ALDH16A1: variants seen among roughly 807,000 people sequenced by gnomAD.
The protein encoded by ALDH16A1 is aldehyde dehydrogenase family 16 member A1.
In ALDH16A1, 88 loss-of-function variants were observed where a neutral mutation model predicts 96.1. That is an observed-to-expected ratio of 0.92 (90% confidence interval 0.77 to 1.09). The LOEUF is 1.09. ALDH16A1 is among the 50% of genes least tolerant of loss of function. The probability of loss-of-function intolerance (pLI) is 0.00; values close to 1 mark genes in which losing one functional copy is unlikely to be tolerated. For synonymous variants in ALDH16A1, 522 were observed against 496.4 expected (o/e 1.05, Z -0.69); for missense variants, 1,250 against 1,112.6 (o/e 1.12, Z -1.76).
Position 49,468,486 on chromosome 19 carries a change from G to T in ALDH16A1, c.2044G>T (p.Ala682Ser). 1 of 1,603,200 alleles carries T rather than the reference G, an allele frequency of 6.2e-7. No homozygotes were observed. Among genetic ancestry groups the T allele is most frequent in the African/African-American group, 1.3e-5 (1 of 75,010 alleles). The stretch of plus-strand genomic sequence containing the variant: ...CCTGCTTGCCTTCGTGTCCCTGCTG[G>T]CTCCCGCCCTGGCCTACGGCAACAC... ...WPLLAFVSLLAPALAYGNTVV... is the reference protein window; with the variant it reads ...WPLLAFVSLLSPALAYGNTVV... Residue 682 changes from alanine to serine, a missense_variant, in exon 15 of 17, where the codon GCT (alanine) becomes TCT (serine). Transcript: ENST00000293350. The surrounding 1 kb of genome is among the most constrained non-coding windows in gnomAD (Gnocchi z 4.4).
Position 49,468,229 on chromosome 19 carries a change from A to C in ALDH16A1, c.1939-152A>C. 1.4e-6 allele frequency: 1 copy of C among 717,508 alleles called. No homozygotes were observed. Among genetic ancestry groups the C allele is most frequent in the East Asian group, 2.8e-5 (1 of 36,144 alleles). The allele number at this position is 717,508 out of a possible 1,614,324, so 44.4% of individuals were successfully genotyped here. A position where few individuals can be genotyped will look rare whatever the true frequency, so the allele number is the denominator to read the frequency against. On this transcript the variant is annotated intron_variant, in intron 14 of 16. Transcript: ENST00000293350. The surrounding 1 kb of genome is among the most constrained non-coding windows in gnomAD (Gnocchi z 4.4). ...CGCCCGAACCCCCGTGGAATGATTCACTTTGACCAGCGTCTGCGAAATGGC... is the reference window on the plus strand; with the variant it reads ...CGCCCGAACCCCCGTGGAATGATTCCCTTTGACCAGCGTCTGCGAAATGGC...
rs367667391 is a variant in ALDH16A1 at position 49,464,557 on chromosome 19, G to A, written c.1437+35G>A. On this transcript the variant is annotated intron_variant, in intron 11 of 16. Coordinates refer to ENST00000293350, the MANE Select transcript of ALDH16A1 (RefSeq NM_153329.4). ...TCCCCTCCCCGTCACCAGCCCCCCC[G>A]CCGCCCCATGCCCTTGACACTCGCA... 91 of 1,560,258 alleles carry A rather than the reference G, an allele frequency of 5.8e-5. No homozygotes were observed. In the East Asian group the frequency reaches 1.3e-3, roughly 23 times the overall value.
rs999773730 is a variant in ALDH16A1, at chr19:49,468,012, T to C, written c.1939-369T>C. 7.3e-5 allele frequency among the ~76,000 whole-genome samples: 11 copies of C among 150,722 alleles called. No homozygotes were observed. The highest frequency in any genetic ancestry group is 1.5e-4 in the Non-Finnish European group (10 of 67,744). On this transcript the variant is annotated intron_variant, in intron 14 of 16. Transcript: ENST00000293350. The surrounding 1 kb of genome is among the most constrained non-coding windows in gnomAD (Gnocchi z 4.4). ...TACTAAATATACAAAAAAAAAAAAT[T>C]AGCCGGGCATGGTGGCAGGTGCCTG...
chr19:49,460,181 G>T (rs890293279), intron 4 of ALDH16A1, among the ~76,000 whole-genome samples: 1 of 151,796 alleles, frequency 6.6e-6, no homozygotes, highest in Non-Finnish European at 1.5e-5. Context: ...CCAAAGTGCT[G>T]GGATTACAGG....
At chr19:49,462,188 A>G in intron 7 of ALDH16A1, 152 bp downstream of exon 7, 10 of 1,227,834 alleles carry the variant, frequency 8.1e-6, no homozygotes, top group Non-Finnish European at 8.6e-6. Context: ...GCTGGGGTGC[A>G]GCGGCGCGAT....
At chr19:49,466,345 T>C (rs1473697459) in intron 14 of ALDH16A1, 62 bp downstream of exon 14, 37 of 1,401,456 alleles carry the variant, frequency 2.6e-5, no homozygotes, top group Admixed American at 3.1e-5. Flanking sequence ...GACCAGAGGC[T>C]GTGAGATAAC....
chr19:49,468,159 CAAAAA>C lies in ALDH16A1; in HGVS notation c.1939-211_1939-207del. The C allele has an allele frequency of 2.4e-6, 1 of 410,232 alleles. No homozygotes were observed. Among genetic ancestry groups the C allele is most frequent in the Non-Finnish European group, 4.3e-6 (1 of 232,748 alleles). 25.4% of individuals were successfully genotyped at this position (410,232 alleles called of 1,614,324 possible). A position where few individuals can be genotyped will look rare whatever the true frequency, so the allele number is the denominator to read the frequency against. ...AGGGCGACAGAGTGAGAGTCCGTCTCAAAAAAAAAAAAAAAGAAAGGCGGTTATGC... is the reference window on the plus strand; with the variant it reads ...AGGGCGACAGAGTGAGAGTCCGTCTCAAAAAAAAAAGAAAGGCGGTTATGC... On this transcript the variant is annotated intron_variant, in intron 14 of 16. Coordinates refer to ENST00000293350, the MANE Select transcript of ALDH16A1 (RefSeq NM_153329.4). The surrounding 1 kb of genome is among the most constrained non-coding windows in gnomAD (Gnocchi z 4.4).
Position 49,463,866 on chromosome 19 carries a change from G to C in ALDH16A1, c.1111G>C (p.Gly371Arg), listed in dbSNP as rs1184098302. Residue 371 changes from glycine to arginine, a missense_variant, in exon 9 of 17, where the codon GGT (glycine) becomes CGT (arginine). Coordinates refer to ENST00000293350, the MANE Select transcript of ALDH16A1 (RefSeq NM_153329.4). ...TTTCTCTCCCTAGGTGTTCCAGGCT[G>C]GTGATGTGCCTTCGGAACGCCCATT... The part of the protein sequence containing the change: ...QSQGAQVFQA[G>R]DVPSERPFYP... The C allele has an allele frequency of 6.2e-7, 1 of 1,613,342 alleles. No individual in the cohort carries two copies. Among genetic ancestry groups the C allele is most frequent in the South Asian group, 1.1e-5 (1 of 91,066 alleles).
intron 2 of ALDH16A1, 73 bp from the exon 3 acceptor site, chr19:49,458,887 C>T (rs1348272411): frequency 8.3e-6 from 13 of 1,557,426 alleles, no homozygotes; most frequent in East Asian, 4.5e-5. Context: ...ATCCAGGCTC[C>T]GAAAATCTCA....
At chr19:49,470,255 C>T (rs1450761016) in intron 16 of ALDH16A1, 51 bp from the exon 17 acceptor site, 2 of 1,602,618 alleles carry the variant, frequency 1.2e-6, no homozygotes, top group African/African-American at 2.7e-5. Context: ...GAAGCAGGTG[C>T]TCAGCAACAA....
At chr19:49,456,956 A>G (rs1279859083) in intron 1 of ALDH16A1, among the ~76,000 whole-genome samples, 1 of 152,102 alleles carries the variant, frequency 6.6e-6, no homozygotes, top group East Asian at 1.9e-4. Context: ...AGAAATATAT[A>G]AATTAGCTGG....
At position 49,468,514 on chromosome 19, in the gene ALDH16A1, T is replaced by C. The variant is rs1369171102; in HGVS notation, c.2072T>C (p.Val691Ala). Residue 691 changes from valine (V) to alanine (A), a missense_variant, in exon 15 of 17, where the codon GTG becomes GCG. Transcript: ENST00000293350. The surrounding 1 kb of genome is among the most constrained non-coding windows in gnomAD (Gnocchi z 4.4). ...LAPALAYGNT[V>A]VMVPSAACPL... is the part of the protein sequence containing the mutation. ...CCCGCCCTGGCCTACGGCAACACTG[T>C]GGTCATGGTGCCCAGTGCGGCCTGT... is the stretch of plus-strand genomic sequence containing the variant. 1.9e-6 allele frequency: 3 copies of C among 1,604,362 alleles called. No individual in the cohort carries two copies. The highest frequency in any genetic ancestry group is 2.2e-5 in the East Asian group (1 of 44,870).
At chr19:49,458,696 T>C in intron 2 of ALDH16A1, 108 bp downstream of exon 2, 1 of 1,253,452 alleles carries the variant, frequency 8.0e-7, no homozygotes, top group East Asian at 2.5e-5. Context: ...AGGAAACAGC[T>C]GGTGGTGGGA....
chr19:49,461,772 G>C lies in ALDH16A1; in HGVS notation c.731G>C (p.Arg244Pro). 6.2e-7 allele frequency: 1 copy of C among 1,611,166 alleles called. No individual in the cohort carries two copies. Among genetic ancestry groups the C allele is most frequent in the Non-Finnish European group, 8.5e-7 (1 of 1,178,848 alleles). The change falls in exon 6 of 17, where the codon CGG becomes CCG. Residue 244 changes from arginine to proline, a missense_variant. Coordinates refer to ENST00000293350, the MANE Select transcript of ALDH16A1 (RefSeq NM_153329.4). ...VPILASQPGI[R>P]KVAFCGAPEE... The stretch of plus-strand genomic sequence containing the variant: ...ATCCTGGCCTCCCAGCCTGGAATCC[G>C]GAAGGTGGCCTTCTGCGGAGCCCCG...
chr19:49,464,007 G>C (rs1034409297), intron 9 of ALDH16A1, 58 bp downstream of exon 9: 7 of 1,581,576 alleles, frequency 4.4e-6, no homozygotes, highest in Non-Finnish European at 6.0e-6. Flanking sequence ...CAGCAGCTCT[G>C]TGCCTGGGGA....
chr19:49,453,433 C>A lies in ALDH16A1; in HGVS notation c.90+12C>A, dbSNP rs3760670. ...ACGCATGCGCACTGGTGAGAGTCTG[C>A]CCGGCCGGCGCTGCTCGCTGCGTTC... On this transcript the variant is annotated intron_variant, in intron 1 of 16. Coordinates refer to ENST00000293350, the MANE Select transcript of ALDH16A1 (RefSeq NM_153329.4). 6.6e-7 allele frequency: 1 copy of A among 1,521,470 alleles called. No individual in the cohort carries two copies. Among genetic ancestry groups the A allele is most frequent in the South Asian group, 1.2e-5 (1 of 83,322 alleles). The allele number at this position is 1,521,470 out of a possible 1,614,324, so 94.2% of individuals were successfully genotyped here. A position where few individuals can be genotyped will look rare whatever the true frequency, so the allele number is the denominator to read the frequency against.
At chr19:49,460,756 T>C (rs2079134890) in intron 4 of ALDH16A1, 66 bp from the exon 5 acceptor site, 3 of 1,239,834 alleles carry the variant, frequency 2.4e-6, no homozygotes, top group East Asian at 5.1e-5. Context: ...GGTCTTGCCA[T>C]GTGGCCCAGG....
At chr19:49,454,023 T>TTTTTTGTG (rs1214408149) in intron 1 of ALDH16A1, among the ~76,000 whole-genome samples, 974 of 86,540 alleles carry the variant, frequency 0.011, 21 homozygotes, top group Non-Finnish European at 0.017. Flanking sequence ...GGGTTGGGTT[T>TTTTTTGTG]TTTTTTTGTT....
In ALDH16A1 at chr19:49,464,670, C is replaced by T; in HGVS notation, c.1476C>T (p.Ala492=). 1 of 1,614,198 alleles carries T rather than the reference C, an allele frequency of 6.2e-7. No individual in the cohort carries two copies. The highest frequency in any genetic ancestry group is 8.5e-7 in the Non-Finnish European group (1 of 1,180,032). ...ATCTGCGGCCCTCAGGGACCCCTGC[C>T]CGGCTGTCCTGCCTCTCCAAGAACC... is the stretch of plus-strand genomic sequence containing the variant. ...YEYLRPSGTP[A]RLSCLSKNLN... is the part of the protein sequence containing the mutation. Residue 492 remains alanine (A), a synonymous_variant, in exon 12 of 17, where the codon GCC becomes GCT. Coordinates refer to ENST00000293350, the MANE Select transcript of ALDH16A1 (RefSeq NM_153329.4).
Sources: gnomAD v4.1 joint callset for allele counts (sites outside exome capture counted in the v4.1 genomes callset) on GRCh38, gnomAD v4.1.1 for gene constraint, Gnocchi (gnomAD v3.1) non-coding constraint, MANE v1.5 for transcripts, NCBI Gene and HGNC (gene_info 2026-07-23, HGNC 2026-07-21) for gene names.